The following NOP58 variants were observed in gnomAD, a reference collection of about 807,000 sequenced individuals.
NOP58 encodes the protein NOP58 ribonucleoprotein.
In NOP58, 44 loss-of-function variants were observed where a neutral mutation model predicts 71.2. The observed-to-expected ratio is 0.62, with a 90% CI of 0.49 to 0.79. The LOEUF (loss-of-function observed/expected upper bound fraction) is 0.79, where lower values mean the gene tolerates loss of function less well. Among genes scored for constraint, NOP58 ranks in the 30% least tolerant of loss-of-function variants. The probability of loss-of-function intolerance (pLI) is 0.00; values close to 1 mark genes in which losing one functional copy is unlikely to be tolerated. For synonymous variants in NOP58, 228 were observed against 200.3 expected (o/e 1.14, Z -1.17); for missense variants, 538 against 620.2 (o/e 0.87, Z 1.41).
intron 1 of NOP58, among the ~76,000 whole-genome samples, chr2:202,273,724 C>T (rs1688545142): frequency 6.6e-6 from 1 of 152,196 alleles, no homozygotes; most frequent in Non-Finnish European, 1.5e-5. Flanking sequence ...AGGTGGATCA[C>T]CTGATGTCAG....
Position 202,284,330 on chromosome 2 carries a change from T to G in NOP58, c.298-15T>G, listed in dbSNP as rs939820641. ...TTTTTTTTTTAATTTAATATAGATG[T>G]TCATGTTCTTGTAGGAAAAGCTGAA... On this transcript the variant is annotated splice_polypyrimidine_tract_variant and intron_variant, in intron 4 of 14. Transcript: ENST00000264279. The G allele has an allele frequency of 3.2e-6, 5 of 1,574,646 alleles. No homozygotes were observed.
intron 1 of NOP58, among the ~76,000 whole-genome samples, chr2:202,266,521 G>C (rs542802921): frequency 6.6e-5 from 10 of 152,140 alleles, no homozygotes; most frequent in African/African-American, 2.4e-4. Flanking sequence ...TCACCATGTT[G>C]GCCAGGCTGG....
At position 202,278,016 on chromosome 2, in the gene NOP58, T is replaced by C. The variant is rs1250365226; in HGVS notation, c.175+14T>C. On this transcript the variant is annotated intron_variant, in intron 3 of 14. Coordinates refer to ENST00000264279, the MANE Select transcript of NOP58 (RefSeq NM_015934.5). Reference sequence around the variant, plus strand: ...AAGCATTAGCAGGTAAAGTAAAAAATTAGAAGCTTGCTTTTTTGAAAAAAT... The same window carrying C: ...AAGCATTAGCAGGTAAAGTAAAAAACTAGAAGCTTGCTTTTTTGAAAAAAT... 1 of 1,520,362 alleles carries C rather than the reference T, an allele frequency of 6.6e-7. No individual in the cohort carries two copies. The highest frequency in any genetic ancestry group is 9.1e-7 in the Non-Finnish European group (1 of 1,104,028). 94.2% of individuals were successfully genotyped at this position (1,520,362 alleles called of 1,614,324 possible).
At chr2:202,270,998 C>T (rs1206470953) in intron 1 of NOP58, among the ~76,000 whole-genome samples, 3 of 151,644 alleles carry the variant, frequency 2.0e-5, no homozygotes, top group Admixed American at 2.0e-4. Flanking sequence ...GCAGGAGGAT[C>T]GCTTGAACCA....
chr2:202,282,211 TATATC>T (rs1416016818), intron 3 of NOP58, 135 bp from the exon 4 acceptor site: 7 of 659,290 alleles, frequency 1.1e-5, no homozygotes, highest in Non-Finnish European at 1.3e-5. Flanking sequence ...TTATAAAACA[TATATC>T]ATTTCATTTC....
At position 202,281,032 on chromosome 2, in the gene NOP58, G is replaced by A. The variant is rs114491126; in HGVS notation, c.176-1319G>A. ...CATAATTCGAATGGATATACGATCA[G>A]GAGGGAAGAGCAAGACCTGACTTAT... is the stretch of plus-strand genomic sequence containing the variant. On this transcript the variant is annotated intron_variant, in intron 3 of 14. Coordinates refer to ENST00000264279, the MANE Select transcript of NOP58 (RefSeq NM_015934.5). Among the ~76,000 whole-genome samples the A allele has an allele frequency of 2.8e-3, 426 of 152,158 alleles. 2 individuals carry two copies. The highest frequency in any genetic ancestry group is 8.3e-3 in the African/African-American group (345 of 41,544).
intron 12 of NOP58, chr2:202,299,720 A>G (rs1689058283): frequency 6.6e-6 from 1 of 152,288 alleles, no homozygotes; most frequent in South Asian, 2.1e-4. Flanking sequence ...TTACATTAGA[A>G]CAAAAGCAAA....
chr2:202,296,711 G>C (rs547513613), intron 10 of NOP58, among the ~76,000 whole-genome samples: 4 of 112,160 alleles, frequency 3.6e-5, no homozygotes, highest in Non-Finnish European at 7.9e-5. Flanking sequence ...AAGAACCCAC[G>C]CTTTTTTTTG....
At chr2:202,285,322 A>T (rs1374589053) in intron 5 of NOP58, among the ~76,000 whole-genome samples, 1 of 146,404 alleles carries the variant, frequency 6.8e-6, no homozygotes, top group African/African-American at 2.5e-5. Context: ...GATTATAGGC[A>T]TGAGCCACCA....
At position 202,297,914 on chromosome 2, in the gene NOP58, C is replaced by A; in HGVS notation, c.1268+8C>A. 1 of 1,539,530 alleles carries A rather than the reference C, an allele frequency of 6.5e-7. No homozygotes were observed. The stretch of plus-strand genomic sequence containing the variant: ...AAAATATGAACACAAAAGGTGAGTA[C>A]ATTTAAGTGAGGATGGGGTGAATAG... On this transcript the variant is annotated splice_region_variant and intron_variant, in intron 12 of 14. Transcript: ENST00000264279.
intron 2 of NOP58, among the ~76,000 whole-genome samples, chr2:202,276,749 G>A (rs929605689): frequency 2.0e-5 from 3 of 152,108 alleles, no homozygotes; most frequent in African/African-American, 7.2e-5. Context: ...GAGGCTGGAA[G>A]ATCCTTTGAG....
chr2:202,300,138 G>A (rs1008866788), intron 12 of NOP58, 96 bp from the exon 13 acceptor site: 9 of 1,030,482 alleles, frequency 8.7e-6, no homozygotes, highest in Non-Finnish European at 1.2e-5. Flanking sequence ...GTGTGCTTAT[G>A]TAAGTATTAT....
chr2:202,265,903 C>T lies in NOP58; in HGVS notation c.-39C>T, dbSNP rs772249475. On this transcript the variant is annotated 5_prime_UTR_variant, in exon 1 of 15. Coordinates refer to ENST00000264279, the MANE Select transcript of NOP58 (RefSeq NM_015934.5). ...CGGTGTTTTTGAACTGACTCTACAG[C>T]TTCTGGCAGGCCGTGCGGCGCCCTG... 3.1e-6 allele frequency: 5 copies of T among 1,613,716 alleles called. No individual in the cohort carries two copies. The South Asian group carries it at 4.4e-5, about 14-fold the overall frequency.
chr2:202,301,419 G>C (rs1242181409), intron 13 of NOP58, among the ~76,000 whole-genome samples: 1 of 152,052 alleles, frequency 6.6e-6, no homozygotes, highest in East Asian at 1.9e-4. Flanking sequence ...TCCTGACCTT[G>C]TGATCCACCC....
At chr2:202,300,429 T>C (rs1689072398) in intron 13 of NOP58, 62 bp downstream of exon 13, 4 of 1,412,980 alleles carry the variant, frequency 2.8e-6, no homozygotes, top group African/African-American at 1.5e-5. Flanking sequence ...GTGGATTTTG[T>C]GAGTCTTAAA....
At chr2:202,279,831 A>G (rs1435534898) in intron 3 of NOP58, among the ~76,000 whole-genome samples, 1 of 152,182 alleles carries the variant, frequency 6.6e-6, no homozygotes, top group Non-Finnish European at 1.5e-5. Context: ...CAGTAAATGG[A>G]CAAAATGCCA....
In NOP58 at chr2:202,303,308, G is replaced by C. The variant is rs926025912; in HGVS notation, c.1540-78G>C. On this transcript the variant is annotated intron_variant, in intron 14 of 14. Coordinates refer to ENST00000264279, the MANE Select transcript of NOP58 (RefSeq NM_015934.5). ...CTCAAGCTTACTTTTTTTATAGGTGGGGTTTTTATATTTTCAATGTGATTA... is the reference window on the plus strand; with the variant it reads ...CTCAAGCTTACTTTTTTTATAGGTGCGGTTTTTATATTTTCAATGTGATTA... 21 of 1,571,486 alleles carry C rather than the reference G, an allele frequency of 1.3e-5. No homozygotes were observed. The East Asian group carries it at 4.7e-4, about 35-fold the overall frequency.
chr2:202,296,934 C>T (rs1430878248), intron 10 of NOP58, among the ~76,000 whole-genome samples: 8 of 152,144 alleles, frequency 5.3e-5, no homozygotes, highest in South Asian at 4.2e-4. Context: ...AGGGTTTCAC[C>T]GTGTTAGCCA....
At chr2:202,292,925 G>C (rs1371224305) in intron 9 of NOP58, 22 bp downstream of exon 9, 1 of 1,612,848 alleles carries the variant, frequency 6.2e-7, no homozygotes. Context: ...AATGTAATTT[G>C]TAAATATGAG....
Sources: gnomAD v4.1 joint callset for allele counts (sites outside exome capture counted in the v4.1 genomes callset) on GRCh38, gnomAD v4.1.1 for gene constraint, MANE v1.5 for transcripts, NCBI Gene and HGNC (gene_info 2026-07-23, HGNC 2026-07-21) for gene names.